Variants in CDIN1 observed in about 807,000 individuals in gnomAD.
CDIN1 encodes the protein CDAN1-interacting nuclease 1.
A neutral mutation model predicts 45.3 loss-of-function variants in CDIN1; 33 were observed. The ratio of observed to expected loss-of-function variants is 0.73; its 90% CI spans 0.55 to 0.97. CDIN1 has a LOEUF of 0.97. Among genes scored for constraint, CDIN1 ranks in the 50% least tolerant of loss-of-function variants. The probability of loss-of-function intolerance (pLI) is 0.00; values close to 1 mark genes in which losing one functional copy is unlikely to be tolerated. For missense variants in CDIN1, 303 were observed against 339.4 expected, an observed-to-expected ratio of 0.89 and a Z score of 0.84; for synonymous variants, 118 against 124.4, an observed-to-expected ratio of 0.95 and a Z score of 0.34.
rs1442710288 is a variant in CDIN1 at position 36,599,971 on chromosome 15, T to G, written c.101+20010T>G. On this transcript the variant is annotated intron_variant, in intron 1 of 10. Coordinates refer to ENST00000566621, the MANE Select transcript of CDIN1 (RefSeq NM_001321759.2). ...TGCCCTGTCTAATGTCTGTGCTGGT[T>G]AGAATAAAAAATCATGGGTGCATCT... Among the ~76,000 whole-genome samples, 7 of 152,236 alleles carry G rather than the reference T, an allele frequency of 4.6e-5. No individual in the cohort carries two copies. The East Asian group carries it at 1.3e-3, about 29-fold the overall frequency.
intron 10 of CDIN1, chr15:36,799,553 A>G (rs562246951): frequency 2.0e-5 from 3 of 152,294 alleles, no homozygotes; most frequent in South Asian, 2.1e-4. Context: ...TAAATACAAC[A>G]TAGTTAAATA....
intron 5 of CDIN1, among the ~76,000 whole-genome samples, chr15:36,679,722 A>G (rs954794591): frequency 1.3e-5 from 2 of 152,130 alleles, no homozygotes; most frequent in East Asian, 3.9e-4. Context: ...TTATCTGGGG[A>G]TGCTTGCTCT....
rs1287863140 is a variant in CDIN1 at position 36,808,449 on chromosome 15, C to G, written c.842C>G (p.Ala281Gly). Residue 281 changes from alanine (A) to glycine (G), a missense_variant, in exon 11 of 11, where the codon GCT (alanine) becomes GGT (glycine). Transcript: ENST00000566621. Reference sequence around the variant, plus strand: ...ATTGTCACCTTATGCCACAGCATAGCTTGACCCTGAAGATCCTGGAAGAGA... The same window carrying G: ...ATTGTCACCTTATGCCACAGCATAGGTTGACCCTGAAGATCCTGGAAGAGA... The part of the protein sequence containing the change: ...TNIVTLCHSI[A>G] The G allele has an allele frequency of 1.9e-6, 3 of 1,613,374 alleles. No homozygotes were observed. In the Admixed American group the frequency reaches 5.0e-5, roughly 27 times the overall value.
At chr15:36,766,211 C>A (rs2053919657) in intron 10 of CDIN1, among the ~76,000 whole-genome samples, 1 of 152,168 alleles carries the variant, frequency 6.6e-6, no homozygotes, top group Non-Finnish European at 1.5e-5. Flanking sequence ...TCCCATTCAT[C>A]CATGTTGTTG....
chr15:36,737,654 G>C (rs540607560), intron 10 of CDIN1, among the ~76,000 whole-genome samples: 182 of 152,218 alleles, frequency 1.2e-3, no homozygotes, highest in African/African-American at 3.5e-3. Context: ...AAGCAGTTAT[G>C]GGATCAGATC....
At chr15:36,617,847 C>A in intron 1 of CDIN1, 2 of 778,822 alleles carry the variant, frequency 2.6e-6, no homozygotes, top group African/African-American at 1.7e-5. Context: ...GCTTTTAAAT[C>A]CTTAAGAGAA....
At chr15:36,771,906 T>TG (rs1317511587) in intron 10 of CDIN1, among the ~76,000 whole-genome samples, 2 of 139,160 alleles carry the variant, frequency 1.4e-5, no homozygotes, top group South Asian at 4.6e-4. Flanking sequence ...CCAGCCTGGG[T>TG]GACAGTGTGA....
At chr15:36,748,060 A>C (rs199705797) in intron 10 of CDIN1, among the ~76,000 whole-genome samples, 1 of 152,202 alleles carries the variant, frequency 6.6e-6, no homozygotes, top group Non-Finnish European at 1.5e-5. Flanking sequence ...TGGCAGTGGG[A>C]AATAACTTTG....
intron 10 of CDIN1, among the ~76,000 whole-genome samples, chr15:36,755,718 T>C (rs1325259745): frequency 6.6e-6 from 1 of 151,632 alleles, no homozygotes; most frequent in Non-Finnish European, 1.5e-5. Context: ...CTTGAACAAA[T>C]AGTTGCCAAG....
chr15:36,794,293 C>T (rs947338892), intron 10 of CDIN1, among the ~76,000 whole-genome samples: 4 of 152,002 alleles, frequency 2.6e-5, no homozygotes, highest in African/African-American at 9.7e-5. Context: ...CTCCTGACTT[C>T]GTGATCTACC....
chr15:36,697,110 G>GCAGGA (rs1462908407), intron 7 of CDIN1, among the ~76,000 whole-genome samples: 1 of 151,074 alleles, frequency 6.6e-6, no homozygotes, highest in Non-Finnish European at 1.5e-5. Flanking sequence ...GGGCAACAGA[G>GCAGGA]CAGGACCCTG....
At chr15:36,649,515 A>G (rs2040487802) in intron 3 of CDIN1, among the ~76,000 whole-genome samples, 1 of 152,200 alleles carries the variant, frequency 6.6e-6, no homozygotes, top group Admixed American at 6.5e-5. Flanking sequence ...AAAGGTCCTC[A>G]GAGAAGGCCC....
chr15:36,635,614 GACA>G (rs986771214), intron 1 of CDIN1, among the ~76,000 whole-genome samples: 1 of 152,084 alleles, frequency 6.6e-6, no homozygotes, highest in African/African-American at 2.4e-5. Flanking sequence ...AAGGACACAT[GACA>G]ACAAGAATGA....
At chr15:36,651,062 C>G (rs1306529242) in intron 3 of CDIN1, among the ~76,000 whole-genome samples, 1 of 144,346 alleles carries the variant, frequency 6.9e-6, no homozygotes, top group East Asian at 2.0e-4. Flanking sequence ...GACTTCATCT[C>G]AAAAAAAAAA....
chr15:36,651,969 G>A (rs1010695310), intron 3 of CDIN1, among the ~76,000 whole-genome samples: 1 of 152,144 alleles, frequency 6.6e-6, no homozygotes, highest in Non-Finnish European at 1.5e-5. Context: ...TTTACATGAA[G>A]CCATGTCATT....
At chr15:36,729,983 C>G (rs1259001883) in intron 10 of CDIN1, among the ~76,000 whole-genome samples, 3 of 152,138 alleles carry the variant, frequency 2.0e-5, no homozygotes, top group Non-Finnish European at 4.4e-5. Context: ...AGCTTTATTT[C>G]AAGGTCTATG....
At chr15:36,757,187 C>CACCTTAAATTTGTGCTCTGTT (rs2053631554) in intron 10 of CDIN1, among the ~76,000 whole-genome samples, 1 of 152,120 alleles carries the variant, frequency 6.6e-6, no homozygotes, top group Non-Finnish European at 1.5e-5. Flanking sequence ...AGAGCTTTGT[C>CACCTTAAATTTGTGCTCTGTT]ACCTTAAATT....
chr15:36,762,600 C>T (rs558662986), intron 10 of CDIN1, among the ~76,000 whole-genome samples: 10 of 151,802 alleles, frequency 6.6e-5, no homozygotes, highest in Middle Eastern at 3.4e-3. Flanking sequence ...CCCATTAACT[C>T]GTCATTTACA....
chr15:36,766,048 T>C (rs755382516), intron 10 of CDIN1, among the ~76,000 whole-genome samples: 2 of 152,224 alleles, frequency 1.3e-5, no homozygotes, highest in African/African-American at 2.4e-5. Context: ...TTATACCCAT[T>C]GAACAGCGAC....
Sources: allele counts gnomAD v4.1 joint callset (sites outside exome capture counted in the v4.1 genomes callset), GRCh38; gene constraint gnomAD v4.1.1; transcripts MANE v1.5; gene names NCBI Gene and HGNC (gene_info 2026-07-23, HGNC 2026-07-21).